Variants in ACTN2 observed in about 807,000 individuals in gnomAD.
The protein encoded by ACTN2 is actinin alpha 2.
ACTN2 carries 39 observed loss-of-function variants against 113.8 expected under a neutral mutation model. That is an observed-to-expected ratio of 0.34 (90% CI 0.27 to 0.45). ACTN2 has a LOEUF of 0.45. ACTN2 is among the 20% of genes least tolerant of loss of function. ACTN2 has a pLI of 1.00. For synonymous variants in ACTN2, 429 were observed against 444.1 expected (o/e 0.97, Z 0.43); for missense variants, 992 against 1,177.9 (o/e 0.84, Z 2.31).
chr1:236,700,731 G>A (rs1292301805), intron 1 of ACTN2, among the ~76,000 whole-genome samples: 3 of 152,190 alleles, frequency 2.0e-5, no homozygotes, highest in South Asian at 2.1e-4. Flanking sequence ...CCGGAATACA[G>A]CCAGAGGAAG....
At chr1:236,743,356 A>C (rs920528401) in intron 11 of ACTN2, among the ~76,000 whole-genome samples, 2 of 152,188 alleles carry the variant, frequency 1.3e-5, no homozygotes, top group African/African-American at 4.8e-5. Flanking sequence ...CTCATTCCCT[A>C]ACTGGTAGTC....
intron 4 of ACTN2, among the ~76,000 whole-genome samples, 167 bp from the exon 5 acceptor site, chr1:236,725,766 A>C (rs370137653): frequency 6.6e-6 from 1 of 152,120 alleles, no homozygotes; most frequent in African/African-American, 2.4e-5. Flanking sequence ...TGTCATCAGA[A>C]TTTACTCACC....
At chr1:236,736,418 G>A (rs1367828541) in intron 8 of ACTN2, 7 of 596,618 alleles carry the variant, frequency 1.2e-5, no homozygotes, top group African/African-American at 1.9e-5. Context: ...GACAGGCTGC[G>A]GGCCCAGAAG....
chr1:236,718,189 T>C (rs1424955647), intron 2 of ACTN2, among the ~76,000 whole-genome samples: 1 of 152,210 alleles, frequency 6.6e-6, no homozygotes, highest in Non-Finnish European at 1.5e-5. Flanking sequence ...ATTAAAATAA[T>C]GTTTATACCA....
rs147883084 is a variant in ACTN2, at chr1:236,748,750, T to G, written c.1516-374T>G. On this transcript the variant is annotated intron_variant, in intron 13 of 20. Transcript: ENST00000366578. ...TGACTCTAAAACGTGGAAGATGCCC[T>G]GCATTTTCTGTTAATCTGGCACAGT... Among the ~76,000 whole-genome samples the G allele has an allele frequency of 5.4e-4, 83 of 152,340 alleles. 1 individual carries two copies. Among genetic ancestry groups the G allele is most frequent in the Non-Finnish European group, 9.1e-4 (62 of 68,040 alleles).
chr1:236,721,033 T>TTTTTTTTTTTTTTTTTTG (rs1658378293), intron 4 of ACTN2, among the ~76,000 whole-genome samples: 4 of 108,834 alleles, frequency 3.7e-5, no homozygotes, highest in African/African-American at 1.4e-4. Context: ...TTTTTTTTTT[T>TTTTTTTTTTTTTTTTTTG]TTTTTTTTTT....
intron 1 of ACTN2, among the ~76,000 whole-genome samples, chr1:236,705,680 G>A (rs1657803384): frequency 6.6e-6 from 1 of 152,240 alleles, no homozygotes; most frequent in African/African-American, 2.4e-5. Context: ...ATTTTTCCCT[G>A]TATAAAGTTG....
intron 4 of ACTN2, among the ~76,000 whole-genome samples, chr1:236,722,851 C>T (rs1299027296): frequency 1.3e-5 from 2 of 152,088 alleles, no homozygotes; most frequent in Non-Finnish European, 2.9e-5. Flanking sequence ...TTTCCACTTT[C>T]CCATACACCT....
intron 1 of ACTN2, among the ~76,000 whole-genome samples, chr1:236,700,934 A>G (rs1363329241): frequency 6.6e-6 from 1 of 152,148 alleles, no homozygotes; most frequent in East Asian, 1.9e-4. Context: ...TAACCCTGAA[A>G]GATGAGAGAT....
chr1:236,761,311 A>G, intron 20 of ACTN2, 138 bp downstream of exon 20: 1 of 1,034,570 alleles, frequency 9.7e-7, no homozygotes, highest in Non-Finnish European at 1.4e-6. Context: ...TTCAGAAGGC[A>G]GCAGATAGAC....
intron 1 of ACTN2, among the ~76,000 whole-genome samples, chr1:236,717,036 T>C (rs1005095297): frequency 4.8e-5 from 7 of 147,260 alleles, no homozygotes; most frequent in Non-Finnish European, 8.9e-5. Flanking sequence ...GGTTTTACCA[T>C]GTTGGTCAGG....
Position 236,735,721 on chromosome 1 carries a change from G to A in ACTN2, c.783+1G>A. The A allele has an allele frequency of 6.2e-7, 1 of 1,613,836 alleles. No homozygotes were observed. The highest frequency in any genetic ancestry group is 8.5e-7 in the Non-Finnish European group (1 of 1,179,754). ...CCACGCTTTTGCGGGCGCGGAGCAG[G>A]TACTCAACACTTGTCCGTCCGGGCT... On this transcript the variant is annotated splice_donor_variant, in intron 8 of 20. Transcript: ENST00000366578. LOFTEE classifies it high-confidence loss of function.
chr1:236,739,232 A>ATTT, intron 9 of ACTN2, 70 bp from the exon 10 acceptor site: 2 of 1,209,896 alleles, frequency 1.7e-6, no homozygotes, highest in Non-Finnish European at 2.4e-6. Context: ...TGGATGCCTC[A>ATTT]TTTTTTTTTT....
chr1:236,753,865 CTTGGA>C, intron 15 of ACTN2, 77 bp from the exon 16 acceptor site: 1 of 1,394,006 alleles, frequency 7.2e-7, no homozygotes, highest in Non-Finnish European at 1.0e-6. Flanking sequence ...ACCCCCACCC[CTTGGA>C]CTATTCCCGC....
intron 9 of ACTN2, among the ~76,000 whole-genome samples, chr1:236,737,465 A>C (rs1000750345): frequency 6.6e-6 from 1 of 150,974 alleles, no homozygotes; most frequent in African/African-American, 2.4e-5. Flanking sequence ...TATAGTTTGC[A>C]TGTCTGAAGA....
chr1:236,747,194 G>A (rs889698763), intron 12 of ACTN2, among the ~76,000 whole-genome samples: 1 of 152,194 alleles, frequency 6.6e-6, no homozygotes, highest in Non-Finnish European at 1.5e-5. Context: ...GAAGACAACG[G>A]TTCTCTCTGT....
At chr1:236,750,831 G>A (rs982160941) in intron 14 of ACTN2, among the ~76,000 whole-genome samples, 15 of 152,020 alleles carry the variant, frequency 9.9e-5, no homozygotes, top group African/African-American at 3.6e-4. Flanking sequence ...GCTCATACCT[G>A]TAATCCCAAC....
At chr1:236,718,732 T>A (rs1002680066) in intron 2 of ACTN2, among the ~76,000 whole-genome samples, 162 bp from the exon 3 acceptor site, 3 of 152,204 alleles carry the variant, frequency 2.0e-5, no homozygotes, top group African/African-American at 4.8e-5. Flanking sequence ...TCTGGGTTAG[T>A]GTTCCCTCAT....
rs1465770912 is a variant in ACTN2 at position 236,737,318 on chromosome 1, T to TATATATA, written c.876+104_876+105insATATATA. 1.6e-3 allele frequency: 476 copies of TATATATA among 295,734 alleles called. 56 individuals carry two copies. The highest frequency in any genetic ancestry group is 3.2e-3 in the Middle Eastern group (3 of 938). 18.3% of individuals were successfully genotyped at this position (295,734 alleles called of 1,614,324 possible). A position where few individuals can be genotyped will look rare whatever the true frequency, so the allele number is the denominator to read the frequency against. ...GGGGGCATATATATATATATATATATTTTGCATTTTTCATCTCAGATAGGA... is the reference window on the plus strand; with the variant it reads ...GGGGGCATATATATATATATATATATATATATATTTGCATTTTTCATCTCAGATAGGA... On this transcript the variant is annotated intron_variant, in intron 9 of 20. Coordinates refer to ENST00000366578, the MANE Select transcript of ACTN2 (RefSeq NM_001103.4).
Sources: gnomAD v4.1 joint callset for allele counts (sites outside exome capture counted in the v4.1 genomes callset) on GRCh38, gnomAD v4.1.1 for gene constraint, MANE v1.5 for transcripts, NCBI Gene and HGNC (gene_info 2026-07-23, HGNC 2026-07-21) for gene names.